DNAH14: variants seen among roughly 807,000 people sequenced by gnomAD.
DNAH14 encodes the protein dynein axonemal heavy chain 14, also known as axonemal beta dynein heavy chain 14.
DNAH14 carries 478 observed loss-of-function variants against 520.9 expected under a neutral mutation model. The ratio of observed to expected loss-of-function variants is 0.92; its 90% CI spans 0.85 to 0.99. The LOEUF is 0.99. DNAH14 is among the 50% of genes least tolerant of loss of function. The pLI is 0.00. For missense variants in DNAH14, 4,831 were observed against 5,234.5 expected (o/e 0.92, Z 2.38); for synonymous variants, 1,581 against 1,757.2 (o/e 0.90, Z 2.51).
At chr1:225,021,919 A>G (rs1028627314) in intron 10 of DNAH14, among the ~76,000 whole-genome samples, 6 of 152,350 alleles carry the variant, frequency 3.9e-5, no homozygotes, top group Middle Eastern at 6.8e-3. Context: ...TGGTAAGGGT[A>G]CAAAAACAGA....
chr1:225,082,591 T>G lies in DNAH14; in HGVS notation c.3179T>G (p.Val1060Gly). Residue 1060 changes from valine to glycine, a missense_variant, in exon 20 of 86, where the codon GTA (valine) becomes GGA (glycine). By Grantham distance (109) the Val-to-Gly change is moderately radical (BLOSUM62 -3). Transcript: ENST00000682510. The stretch of plus-strand genomic sequence containing the variant: ...ATGGTAACACATCTTAAGCAAGTGG[T>G]AACAGAGTTTAAACAAGAGCTGCCT... ...SDMVTHLKQV[V>G]TEFKQELPII... is the part of the protein sequence containing the mutation. 1 of 1,551,592 alleles carries G rather than the reference T, an allele frequency of 6.4e-7. No homozygotes were observed.
chr1:225,359,483 C>T (rs541035905), intron 74 of DNAH14, among the ~76,000 whole-genome samples: 18 of 152,248 alleles, frequency 1.2e-4, no homozygotes, highest in East Asian at 1.9e-4. Context: ...ACTACAGATC[C>T]GAAGTAAAAT....
In DNAH14 at chr1:225,276,756, C is replaced by G. The variant is rs76382354; in HGVS notation, c.8179-654C>G. Among the ~76,000 whole-genome samples the G allele has an allele frequency of 7.8e-3, 1,173 of 150,976 alleles. 9 individuals carry two copies. Among genetic ancestry groups the G allele is most frequent in the Non-Finnish European group, 0.014 (917 of 67,762 alleles). On this transcript the variant is annotated intron_variant, in intron 53 of 85. Coordinates refer to ENST00000682510, the MANE Select transcript of DNAH14 (RefSeq NM_001367479.1). ...CCACACACACACACATGCACACACA[C>G]AAAAATTTAATTAATCAGGCATTGT...
chr1:225,189,798 G>T (rs1401787200), intron 37 of DNAH14, among the ~76,000 whole-genome samples: 1 of 151,874 alleles, frequency 6.6e-6, no homozygotes, highest in Non-Finnish European at 1.5e-5. Flanking sequence ...TTTGATTACT[G>T]ATGATGGACT....
In DNAH14 at chr1:225,240,597, GA is replaced by G. The variant is rs1331872103; in HGVS notation, c.6527del (p.Asn2176IlefsTer12). 21 of 1,542,150 alleles carry G rather than the reference GA, an allele frequency of 1.4e-5. No individual in the cohort carries two copies. Among genetic ancestry groups the G allele is most frequent in the Non-Finnish European group, 1.6e-5 (18 of 1,139,392 alleles). The stretch of plus-strand genomic sequence containing the variant: ...TTCCATACCTGTCTACCCCAGGGAT[GA>G]AAATACATGGTATCCAGAGAAAAAT... ...VTFKDIEKRD[E>X]NTWYPEKNPD... On this transcript the variant is annotated frameshift_variant, in exon 43 of 86. Transcript: ENST00000682510. LOFTEE classifies it high-confidence loss of function.
chr1:225,114,123 C>T (rs2076686832), intron 23 of DNAH14, among the ~76,000 whole-genome samples: 1 of 152,150 alleles, frequency 6.6e-6, no homozygotes, highest in Non-Finnish European at 1.5e-5. Flanking sequence ...CTCAGAGTCT[C>T]ACCCAAGGCC....
Position 225,301,040 on chromosome 1 carries a change from TG to T in DNAH14, c.8631+11del. ...TTCATTCTTTCAAAAGGTACTTTTT[TG>T]TGACTTGGCTTTATCAAATTGTCAT... On this transcript the variant is annotated intron_variant, in intron 56 of 85. Transcript: ENST00000682510. The T allele has an allele frequency of 1.9e-6, 3 of 1,546,148 alleles. No homozygotes were observed. Among genetic ancestry groups the T allele is most frequent in the Non-Finnish European group, 2.6e-6 (3 of 1,145,054 alleles).
chr1:225,094,459 C>T (rs1267100759), intron 21 of DNAH14, among the ~76,000 whole-genome samples: 1 of 151,954 alleles, frequency 6.6e-6, no homozygotes, highest in East Asian at 1.9e-4. Flanking sequence ...TTCCTTTCAA[C>T]ATATACAAAA....
chr1:225,244,042 G>GT (rs1257128854), intron 43 of DNAH14, among the ~76,000 whole-genome samples: 1 of 152,048 alleles, frequency 6.6e-6, no homozygotes, highest in Non-Finnish European at 1.5e-5. Flanking sequence ...TTTATTGAGT[G>GT]TTTTTTAACA....
chr1:224,975,770 T>G (rs1475022555), intron 8 of DNAH14, among the ~76,000 whole-genome samples: 1 of 151,504 alleles, frequency 6.6e-6, no homozygotes, highest in Non-Finnish European at 1.5e-5. Context: ...TTCTGCTAGC[T>G]TTTGATTGTG....
intron 21 of DNAH14, among the ~76,000 whole-genome samples, chr1:225,089,466 G>GAGAGAGAAAA (rs2074158218): frequency 1.2e-5 from 1 of 86,190 alleles, no homozygotes; most frequent in African/African-American, 6.4e-5. Context: ...AAAAAAAAAA[G>GAGAGAGAAAA]AGAGCGAGAG....
At position 225,395,664 on chromosome 1, in the gene DNAH14, T is replaced by A. The variant is rs2096001809; in HGVS notation, c.13492-2856T>A. 2.0e-5 allele frequency: 3 copies of A among 152,262 alleles called. 1 individual carries two copies. Among genetic ancestry groups the A allele is most frequent in the African/African-American group, 2.4e-5 (1 of 41,454 alleles). The allele number at this position is 152,262 out of a possible 1,614,324, so 9.4% of individuals were successfully genotyped here. A position where few individuals can be genotyped will look rare whatever the true frequency, so the allele number is the denominator to read the frequency against. On this transcript the variant is annotated intron_variant, in intron 84 of 85. Coordinates refer to ENST00000682510, the MANE Select transcript of DNAH14 (RefSeq NM_001367479.1). ...GAGAGGGTGATGTTTTTAGTTTTTA[T>A]TGTGCATATTATTGACGGTGGTTTC...
chr1:225,375,017 G>T, intron 78 of DNAH14, 132 bp downstream of exon 78: 1 of 805,192 alleles, frequency 1.2e-6, no homozygotes, highest in Non-Finnish European at 1.9e-6. Context: ...CAGTAGTATG[G>T]AAGTAATTTA....
chr1:224,929,974 C>G, intron 1 of DNAH14, 139 bp downstream of exon 1: 1 of 509,402 alleles, frequency 2.0e-6, no homozygotes, highest in Non-Finnish European at 3.4e-6. Context: ...GCTGTGGGAG[C>G]GCCTCCGAGT....
chr1:224,980,380 C>T (rs1388920530), intron 8 of DNAH14, among the ~76,000 whole-genome samples: 5 of 152,048 alleles, frequency 3.3e-5, no homozygotes, highest in East Asian at 1.9e-4. Flanking sequence ...GTGGTGGCCA[C>T]GGGGATTTCC....
In DNAH14 at chr1:224,964,572, G is replaced by A; in HGVS notation, c.461G>A (p.Gly154Glu). The A allele has an allele frequency of 6.2e-7, 1 of 1,603,912 alleles. No homozygotes were observed. Among genetic ancestry groups the A allele is most frequent in the South Asian group, 1.1e-5 (1 of 88,672 alleles). ...TILPQHSLKY[G>E]SSKIAIQKIT... Reference sequence around the variant, plus strand: ...TTACCGCAGCACAGTTTGAAATACGGAAGCTCCAAAATTGCAATTCAGAAG... The same window carrying A: ...TTACCGCAGCACAGTTTGAAATACGAAAGCTCCAAAATTGCAATTCAGAAG... The change falls in exon 5 of 86, where the codon GGA (glycine) becomes GAA (glutamate). Residue 154 changes from glycine to glutamate, a missense_variant. Physicochemically the swap from Gly to Glu is moderately conservative, Grantham distance 98. Coordinates refer to ENST00000682510, the MANE Select transcript of DNAH14 (RefSeq NM_001367479.1).
At position 225,391,625 on chromosome 1, in the gene DNAH14, G is replaced by C. The variant is rs1018652010; in HGVS notation, c.13331-666G>C. On this transcript the variant is annotated intron_variant, in intron 83 of 85. Transcript: ENST00000682510. ...CTCCGTGTTTGGAAGGACAGGGGTGGGGGGAGAAGGAGGTTAAGCATGACT... is the reference window on the plus strand; with the variant it reads ...CTCCGTGTTTGGAAGGACAGGGGTGCGGGGAGAAGGAGGTTAAGCATGACT... Among the ~76,000 whole-genome samples, 7 of 152,178 alleles carry C rather than the reference G, an allele frequency of 4.6e-5. No individual in the cohort carries two copies. In the East Asian group the frequency reaches 1.2e-3, roughly 25 times the overall value.
At chr1:225,283,805 T>G (rs1335090037) in intron 54 of DNAH14, among the ~76,000 whole-genome samples, 3 of 152,122 alleles carry the variant, frequency 2.0e-5, no homozygotes, top group Non-Finnish European at 4.4e-5. Context: ...CTCAGTAAAT[T>G]TCAAAGGATT....
intron 10 of DNAH14, among the ~76,000 whole-genome samples, chr1:225,018,249 A>G (rs1351871706): frequency 6.6e-6 from 1 of 152,224 alleles, no homozygotes; most frequent in Admixed American, 6.5e-5. Flanking sequence ...ATTAACTACA[A>G]GAATTTCAAA....
Sources: allele counts gnomAD v4.1 joint callset (sites outside exome capture counted in the v4.1 genomes callset), GRCh38; gene constraint gnomAD v4.1.1; transcripts MANE v1.5; gene names NCBI Gene and HGNC (gene_info 2026-07-23, HGNC 2026-07-21).